RBFOX1: variants seen among roughly 807,000 people sequenced by gnomAD.
RBFOX1 encodes RNA binding protein fox-1 homolog 1.
RBFOX1 carries 8 observed loss-of-function variants against 57.7 expected under a neutral mutation model. The ratio of observed to expected loss-of-function variants is 0.14; its 90% confidence interval spans 0.08 to 0.25. The LOEUF is 0.25. Ranked by LOEUF, RBFOX1 falls within the 10% of genes least tolerant of loss-of-function variation. RBFOX1 has a pLI of 1.00. For missense variants in RBFOX1, 611 were observed against 548.5 expected (o/e 1.11, Z -1.14); for synonymous variants, 326 against 222.4 (o/e 1.47, Z -4.15).
intron 9 of RBFOX1, among the ~76,000 whole-genome samples, chr16:7,603,113 A>C (rs986101229): frequency 2.0e-5 from 3 of 152,236 alleles, no homozygotes; most frequent in African/African-American, 7.2e-5. Context: ...AAACGCCTAC[A>C]TCAAAAAAGT....
At chr16:7,670,847 T>C (rs1363773161) in intron 13 of RBFOX1, among the ~76,000 whole-genome samples, 1 of 152,192 alleles carries the variant, frequency 6.6e-6, no homozygotes, top group Non-Finnish European at 1.5e-5. Flanking sequence ...TGACCATGAA[T>C]GACTCTTATG....
At chr16:7,674,277 A>T (rs1229882110) in intron 13 of RBFOX1, among the ~76,000 whole-genome samples, 2 of 152,190 alleles carry the variant, frequency 1.3e-5, no homozygotes, top group African/African-American at 4.8e-5. Flanking sequence ...GGTATTGTCC[A>T]ATCCTTTGGC....
chr16:7,237,845 A>C (rs1219575055), intron 4 of RBFOX1, among the ~76,000 whole-genome samples: 1 of 152,206 alleles, frequency 6.6e-6, no homozygotes, highest in Non-Finnish European at 1.5e-5. Context: ...AACTACTCAA[A>C]ATAGAAAAAT....
intron 3 of RBFOX1, among the ~76,000 whole-genome samples, chr16:6,961,900 C>G (rs560453005): frequency 6.6e-6 from 1 of 152,170 alleles, no homozygotes; most frequent in Admixed American, 6.5e-5. Context: ...TTCACCACAT[C>G]CTGTTTTATC....
At chr16:5,359,472 T>C (rs996170699) in intron 1 of RBFOX1, among the ~76,000 whole-genome samples, 18 of 152,232 alleles carry the variant, frequency 1.2e-4, no homozygotes, top group African/African-American at 4.1e-4. Context: ...TTTGCCAGCA[T>C]TTGTTCATGC....
intron 3 of RBFOX1, among the ~76,000 whole-genome samples, chr16:6,852,141 G>T: frequency 6.6e-6 from 1 of 152,018 alleles, no homozygotes; most frequent in East Asian, 1.9e-4. Flanking sequence ...AACAGTTTTG[G>T]TGATCTGATG....
chr16:6,045,097 C>A (rs1393770939), intron 1 of RBFOX1, among the ~76,000 whole-genome samples: 1 of 152,192 alleles, frequency 6.6e-6, no homozygotes, highest in African/African-American at 2.4e-5. Context: ...ACCAACGGAA[C>A]TAAAGCAGGG....
chr16:5,919,368 G>A (rs1321467508), intron 4 of RBFOX1, among the ~76,000 whole-genome samples: 1 of 152,148 alleles, frequency 6.6e-6, no homozygotes, highest in Non-Finnish European at 1.5e-5. Context: ...TTGAGACGGA[G>A]TTTTGTTCTT....
intron 1 of RBFOX1, among the ~76,000 whole-genome samples, chr16:5,410,132 T>C (rs1482856473): frequency 4.0e-5 from 6 of 150,178 alleles, no homozygotes; most frequent in Non-Finnish European, 1.5e-5. Context: ...GGGAGAGCAA[T>C]GTGGGTGGAA....
At chr16:7,581,359 G>A (rs144447117) in intron 6 of RBFOX1, among the ~76,000 whole-genome samples, 2 of 152,178 alleles carry the variant, frequency 1.3e-5, no homozygotes, top group Non-Finnish European at 2.9e-5. Context: ...GAGGCAGTAA[G>A]ACCAGGTGTG....
chr16:7,636,804 C>T (rs1719881189), intron 11 of RBFOX1, among the ~76,000 whole-genome samples: 1 of 151,680 alleles, frequency 6.6e-6, no homozygotes. Context: ...TGGCCACCTT[C>T]TCCCATGTTT....
chr16:6,438,152 A>T (rs1597247776), intron 2 of RBFOX1, among the ~76,000 whole-genome samples: 1 of 152,200 alleles, frequency 6.6e-6, no homozygotes, highest in African/African-American at 2.4e-5. Context: ...TTGTAAACCG[A>T]AGTTGGAAAG....
At chr16:6,988,348 C>T (rs902537050) in intron 3 of RBFOX1, among the ~76,000 whole-genome samples, 6 of 152,074 alleles carry the variant, frequency 3.9e-5, no homozygotes, top group Admixed American at 2.0e-4. Context: ...TCTTACTGTC[C>T]ACTGTAGTAG....
intron 4 of RBFOX1, among the ~76,000 whole-genome samples, chr16:5,915,006 C>G (rs1029573463): frequency 2.0e-5 from 3 of 152,204 alleles, no homozygotes; most frequent in Non-Finnish European, 2.9e-5. Context: ...ATCACTTTTG[C>G]TCTATGGTGT....
intron 3 of RBFOX1, among the ~76,000 whole-genome samples, chr16:5,640,511 T>C (rs929005659): frequency 1.3e-5 from 2 of 148,320 alleles, no homozygotes; most frequent in Non-Finnish European, 3.0e-5. Flanking sequence ...TGCATATACA[T>C]GCACATACAC....
intron 3 of RBFOX1, among the ~76,000 whole-genome samples, chr16:7,012,301 C>G (rs573627460): frequency 1.3e-5 from 2 of 152,326 alleles, no homozygotes; most frequent in South Asian, 2.1e-4. Context: ...GACCAAATGT[C>G]TGGCAGGTGA....
At chr16:6,767,095 ATTGCATTTTTCTTAGGGGACCACCTCTC>A (rs2077442830) in intron 3 of RBFOX1, among the ~76,000 whole-genome samples, 2 of 151,950 alleles carry the variant, frequency 1.3e-5, no homozygotes, top group South Asian at 2.1e-4. Flanking sequence ...TGGTCCTATA[ATTGCATTTTTCTTAGGGGACCACCTCTC>A]TTGCATTTTT....
rs938175873 is a variant in RBFOX1, at chr16:7,544,715, A to G, written c.270+26326A>G. Among the ~76,000 whole-genome samples the G allele has an allele frequency of 5.6e-4, 86 of 152,312 alleles. 1 individual carries two copies. The highest frequency in any genetic ancestry group is 2.0e-3 in the African/African-American group (84 of 41,578). On this transcript the variant is annotated intron_variant, in intron 5 of 15. Transcript: ENST00000550418. ...TGAGAGATTACCTTTCTTTTATTTTAGTCACCTAGCTGGTCATAATATGTT... is the reference window on the plus strand; with the variant it reads ...TGAGAGATTACCTTTCTTTTATTTTGGTCACCTAGCTGGTCATAATATGTT...
chr16:6,562,144 T>C (rs2097187387), intron 2 of RBFOX1, among the ~76,000 whole-genome samples: 1 of 152,196 alleles, frequency 6.6e-6, no homozygotes, highest in Non-Finnish European at 1.5e-5. Context: ...TTCAAGATAG[T>C]TCATGGGTAA....
Sources: gnomAD v4.1 joint callset for allele counts (sites outside exome capture counted in the v4.1 genomes callset) on GRCh38, gnomAD v4.1.1 for gene constraint, MANE v1.5 for transcripts, NCBI Gene and HGNC (gene_info 2026-07-23, HGNC 2026-07-21) for gene names.